KALRN: variants seen among roughly 807,000 people sequenced by gnomAD.
The protein encoded by KALRN is kalirin RhoGEF kinase, also known as kalirin.
Under a neutral mutation model 353.7 loss-of-function variants are expected in KALRN, and 70 were observed. The ratio of observed to expected loss-of-function variants is 0.20; its 90% CI spans 0.16 to 0.24. KALRN has a LOEUF of 0.24. Ranked by LOEUF, KALRN falls within the 10% of genes least tolerant of loss-of-function variation. The pLI is 1.00. For missense variants in KALRN, 2,791 were observed against 3,756.7 expected (o/e 0.74, Z 6.72); for synonymous variants, 1,391 against 1,434.8 (o/e 0.97, Z 0.69).
intron 1 of KALRN, among the ~76,000 whole-genome samples, chr3:124,098,971 G>A (rs1232380398): frequency 6.6e-6 from 1 of 152,168 alleles, no homozygotes; most frequent in East Asian, 1.9e-4. Context: ...ATTTCTTCTT[G>A]ATGCTTTTAA....
At chr3:124,096,298 G>A (rs570745746) in intron 1 of KALRN, 3 of 152,358 alleles carry the variant, frequency 2.0e-5, no homozygotes, top group Admixed American at 2.0e-4. Context: ...GAAACTACAA[G>A]TGAAATACTT....
intron 1 of KALRN, among the ~76,000 whole-genome samples, chr3:124,068,268 T>G (rs2042545650): frequency 6.6e-6 from 1 of 152,228 alleles, no homozygotes; most frequent in Non-Finnish European, 1.5e-5. Context: ...GAACTCAGTA[T>G]ACTTGTCTGG....
chr3:124,253,670 G>A, intron 3 of KALRN, among the ~76,000 whole-genome samples: 1 of 152,190 alleles, frequency 6.6e-6, no homozygotes, highest in Non-Finnish European at 1.5e-5. Context: ...CCCGTGTTCA[G>A]TTTGTCACCT....
intron 1 of KALRN, among the ~76,000 whole-genome samples, chr3:124,126,035 C>T (rs2064624006): frequency 2.0e-5 from 3 of 152,196 alleles, no homozygotes; most frequent in African/African-American, 7.2e-5. Flanking sequence ...TCTCTTCTGA[C>T]TCTAGGTTGC....
intron 1 of KALRN, among the ~76,000 whole-genome samples, chr3:124,147,428 G>T (rs1452551776): frequency 2.6e-5 from 4 of 152,322 alleles, no homozygotes; most frequent in Admixed American, 6.5e-5. Flanking sequence ...GTTATTTCAA[G>T]AAGTATTTGA....
At chr3:124,519,079 C>T (rs2066940525) in intron 33 of KALRN, 4 of 985,928 alleles carry the variant, frequency 4.1e-6, no homozygotes, top group South Asian at 4.7e-5. Flanking sequence ...CTTCAGCCTA[C>T]TCAGATTTTT....
At chr3:124,418,251 A>T (rs1240615671) in intron 14 of KALRN, among the ~76,000 whole-genome samples, 3 of 152,220 alleles carry the variant, frequency 2.0e-5, no homozygotes, top group Admixed American at 2.0e-4. Flanking sequence ...ATGTAGAACA[A>T]TGGTTCTTAA....
At chr3:124,633,715 A>G in intron 35 of KALRN, 137 bp from the exon 36 acceptor site, 1 of 660,156 alleles carries the variant, frequency 1.5e-6, no homozygotes, top group South Asian at 1.9e-5. Flanking sequence ...GTATCAAAAG[A>G]GGAAATTGCG....
In KALRN at chr3:124,722,295, G is replaced by A. The variant is rs908331229; in HGVS notation, c.*2825G>A. ...ACAACAGAGTTGGGAGGATCCAGAT[G>A]TGGGGTTGCATGGAATTCCCCCAAG... On this transcript the variant is annotated 3_prime_UTR_variant, in exon 60 of 60. Coordinates refer to ENST00000682506, the MANE Select transcript of KALRN (RefSeq NM_001388419.1). The A allele has an allele frequency of 3.3e-5, 5 of 152,156 alleles. No homozygotes were observed. Among genetic ancestry groups the A allele is most frequent in the Non-Finnish European group, 5.9e-5 (4 of 68,038 alleles). The allele number at this position is 152,156 out of a possible 1,614,324, so 9.4% of individuals were successfully genotyped here.
At chr3:124,118,491 T>C (rs1428716121) in intron 1 of KALRN, among the ~76,000 whole-genome samples, 2 of 152,118 alleles carry the variant, frequency 1.3e-5, no homozygotes, top group Non-Finnish European at 2.9e-5. Flanking sequence ...AGTACAACTT[T>C]CCAGCCCCCA....
intron 34 of KALRN, among the ~76,000 whole-genome samples, chr3:124,614,642 C>T (rs1004963825): frequency 2.6e-4 from 39 of 151,254 alleles, no homozygotes; most frequent in Admixed American, 5.9e-4. Flanking sequence ...ACAATCATGG[C>T]TCACTGCAGC....
rs974462981 is a variant in KALRN, at chr3:124,204,008, T to C, written c.74-23982T>C. Among the ~76,000 whole-genome samples, 14 of 152,350 alleles carry C rather than the reference T, an allele frequency of 9.2e-5. 1 individual carries two copies. The highest frequency in any genetic ancestry group is 3.4e-3 in the Middle Eastern group (1 of 294). ...GGTCCTCAACTGCAGGACATGAGTA[T>C]GTATTCTTGGGTTTTGGTATACGCG... On this transcript the variant is annotated intron_variant, in intron 1 of 59. Coordinates refer to ENST00000682506, the MANE Select transcript of KALRN (RefSeq NM_001388419.1).
chr3:124,657,004 G>A (rs369485384), intron 39 of KALRN, among the ~76,000 whole-genome samples: 5 of 152,154 alleles, frequency 3.3e-5, no homozygotes, highest in Non-Finnish European at 7.4e-5. Flanking sequence ...TTTCTTGTCC[G>A]TCAGATGGGG....
rs191546373 is a variant in KALRN at position 124,371,520 on chromosome 3, A to G, written c.1771-13325A>G. ...TTCAGGAAACTCCATACTGTTTTCC[A>G]TGATGGCTATACTAATTTACCTTCC... On this transcript the variant is annotated intron_variant, in intron 10 of 59. Coordinates refer to ENST00000682506, the MANE Select transcript of KALRN (RefSeq NM_001388419.1). 8.5e-5 allele frequency among the ~76,000 whole-genome samples: 13 copies of G among 152,316 alleles called. 1 individual carries two copies. The East Asian group carries it at 1.9e-3, about 23-fold the overall frequency.
chr3:124,451,607 G>A (rs1480706551), intron 21 of KALRN, among the ~76,000 whole-genome samples: 4 of 152,150 alleles, frequency 2.6e-5, no homozygotes, highest in Admixed American at 6.6e-5. Flanking sequence ...GTGGGCTTAG[G>A]TTGAACGAGA....
chr3:124,164,623 A>G (rs887680585), intron 1 of KALRN: 16 of 152,256 alleles, frequency 1.1e-4, no homozygotes, highest in Non-Finnish European at 2.1e-4. Flanking sequence ...AGGAGCAGTA[A>G]CTATAGAGGT....
chr3:124,677,672 A>T lies in KALRN; in HGVS notation c.7194-518A>T, dbSNP rs1225793430. 3 of 450,666 alleles carry T rather than the reference A, an allele frequency of 6.7e-6. No homozygotes were observed. The East Asian group carries it at 2.1e-4, about 31-fold the overall frequency. 27.9% of individuals were successfully genotyped at this position (450,666 alleles called of 1,614,324 possible). A position where few individuals can be genotyped will look rare whatever the true frequency, so the allele number is the denominator to read the frequency against. The stretch of plus-strand genomic sequence containing the variant: ...TGCCACAGAAAATCCTGTCTGATCA[A>T]CATTGTTTGGGAGTGGCCCTGCCCA... On this transcript the variant is annotated intron_variant, in intron 49 of 59. Coordinates refer to ENST00000682506, the MANE Select transcript of KALRN (RefSeq NM_001388419.1).
At chr3:124,112,364 C>A (rs2063069129) in intron 1 of KALRN, among the ~76,000 whole-genome samples, 1 of 151,170 alleles carries the variant, frequency 6.6e-6, no homozygotes, top group Non-Finnish European at 1.5e-5. Context: ...CCTTCCCTAG[C>A]AGGGCAGAAG....
At chr3:124,621,759 C>T (rs150736393) in intron 34 of KALRN, among the ~76,000 whole-genome samples, 53 of 152,338 alleles carry the variant, frequency 3.5e-4, no homozygotes, top group African/African-American at 9.6e-4. Flanking sequence ...AGAACCTGGC[C>T]GTACATAGCC....
Sources: allele counts gnomAD v4.1 joint callset (sites outside exome capture counted in the v4.1 genomes callset), GRCh38; gene constraint gnomAD v4.1.1; transcripts MANE v1.5; gene names NCBI Gene and HGNC (gene_info 2026-07-23, HGNC 2026-07-21).